Variants in ZNF442 observed in about 807,000 individuals in gnomAD.
The protein encoded by ZNF442 is zinc finger protein 442.
A neutral mutation model predicts 57.0 loss-of-function variants in ZNF442; 45 were observed. That is an observed-to-expected ratio of 0.79 (90% confidence interval 0.62 to 1.01). The LOEUF (loss-of-function observed/expected upper bound fraction) is 1.01. Among genes scored for constraint, ZNF442 ranks in the 50% least tolerant of loss-of-function variants. The pLI is 0.00. For missense variants in ZNF442, 690 were observed against 756.5 expected (o/e 0.91, Z 1.03); for synonymous variants, 213 against 241.8 (o/e 0.88, Z 1.10).
the ZNF442 span, among the ~76,000 whole-genome samples, chr19:12,371,424 C>T: frequency 6.6e-6 from 1 of 152,170 alleles, no homozygotes; most frequent in Non-Finnish European, 1.5e-5. Flanking sequence ...ATATTATATA[C>T]TTACTTTTTC....
chr19:12,357,349 CTTT>C (rs5827145), intron 3 of ZNF442, among the ~76,000 whole-genome samples: 1 of 95,368 alleles, frequency 1.0e-5, no homozygotes, highest in Non-Finnish European at 2.0e-5. Context: ...CTTTTTCTTT[CTTT>C]TTTTTTTTTT....
In ZNF442 at chr19:12,347,468, G is replaced by A. The variant is rs1969147149; in HGVS notation, c.*2233C>T. On this transcript the variant is annotated 3_prime_UTR_variant, in exon 6 of 6. Coordinates refer to ENST00000242804, the MANE Select transcript of ZNF442 (RefSeq NM_030824.3). ...GAATATCTCAAATGCTGCAAGGGAGGTTGGTGGGGAAAACAATCTATGACA... is the reference window on the plus strand; with the variant it reads ...GAATATCTCAAATGCTGCAAGGGAGATTGGTGGGGAAAACAATCTATGACA... 2 of 152,248 alleles carry A rather than the reference G, an allele frequency of 1.3e-5. No individual in the cohort carries two copies. The highest frequency in any genetic ancestry group is 4.1e-4 in the South Asian group (2 of 4,836). The allele number at this position is 152,248 out of a possible 1,614,324, so 9.4% of individuals were successfully genotyped here.
chr19:12,348,767 G>GCATCATCATGATCATGAT lies in ZNF442; in HGVS notation c.*916_*933dup, dbSNP rs1164448155. ...CATATTAGGCACCATACTGTAATCA[G>GCATCATCATGATCATGAT]CATCATCATGATCATGATCATCATC... On this transcript the variant is annotated 3_prime_UTR_variant, in exon 6 of 6. Transcript: ENST00000242804. The GCATCATCATGATCATGAT allele has an allele frequency of 6.6e-6, 1 of 152,030 alleles. No individual in the cohort carries two copies. The highest frequency in any genetic ancestry group is 2.4e-5 in the African/African-American group (1 of 41,382). The allele number at this position is 152,030 out of a possible 1,614,324, so 9.4% of individuals were successfully genotyped here.
upstream of ZNF442, among the ~76,000 whole-genome samples, chr19:12,366,830 T>C (rs909879416): frequency 3.3e-5 from 5 of 152,190 alleles, no homozygotes; most frequent in African/African-American, 4.8e-5. Flanking sequence ...AGACAGGGTT[T>C]CACCATGTTG....
chr19:12,354,020 C>A (rs1969286004), intron 3 of ZNF442, among the ~76,000 whole-genome samples: 1 of 152,174 alleles, frequency 6.6e-6, no homozygotes, highest in Non-Finnish European at 1.5e-5. Flanking sequence ...TCCCAGCCTC[C>A]AGAACCACAA....
Position 12,350,773 on chromosome 19 carries a change from G to C in ZNF442, c.812C>G (p.Ser271Cys), listed in dbSNP as rs775980669. The C allele has an allele frequency of 1.9e-6, 3 of 1,613,286 alleles. No individual in the cohort carries two copies. The East Asian group carries it at 6.7e-5, about 36-fold the overall frequency. ...GGAACTGTAATCAGGGAAGGCTTTG[G>C]AACAGTGCTTGCATTCATATGGTTT... ...GEKPYECKHC[S>C]KAFPDYSSYV... is the part of the protein sequence containing the mutation. The change falls in exon 6 of 6, where the codon TCC (serine) becomes TGC (cysteine). Residue 271 changes from serine to cysteine, a missense_variant. Physicochemically the swap from Ser to Cys is moderately radical, Grantham distance 112. Transcript: ENST00000242804.
At chr19:12,372,367 G>A in the ZNF442 span, among the ~76,000 whole-genome samples, 1 of 152,156 alleles carries the variant, frequency 6.6e-6, no homozygotes, top group Admixed American at 6.6e-5. Flanking sequence ...GCTGAGGCAG[G>A]AGAATCGCTT....
chr19:12,361,530 C>A (rs930425230), intron 3 of ZNF442, among the ~76,000 whole-genome samples: 4 of 152,088 alleles, frequency 2.6e-5, no homozygotes, highest in African/African-American at 9.7e-5. Flanking sequence ...AAAGAAAGTA[C>A]GACCAAACAT....
intron 3 of ZNF442, among the ~76,000 whole-genome samples, chr19:12,355,653 C>G (rs1969316646): frequency 6.6e-6 from 1 of 150,696 alleles, no homozygotes; most frequent in Non-Finnish European, 1.5e-5. Context: ...GCCACCGTGC[C>G]TGGCCGAGGA....
intron 3 of ZNF442, among the ~76,000 whole-genome samples, chr19:12,359,747 A>C (rs1395729037): frequency 1.3e-5 from 2 of 152,142 alleles, no homozygotes; most frequent in Non-Finnish European, 2.9e-5. Flanking sequence ...TGGGAGGCTG[A>C]GGCAGGCAGA....
At chr19:12,372,406 C>G in the ZNF442 span, among the ~76,000 whole-genome samples, 1 of 151,882 alleles carries the variant, frequency 6.6e-6, no homozygotes, top group Non-Finnish European at 1.5e-5. Context: ...TTGCAGTGAG[C>G]CCAGATAGCA....
rs1301390930 is a variant in ZNF442 at position 12,349,860 on chromosome 19, T to G, written c.1725A>C (p.Gln575His). The G allele has an allele frequency of 6.2e-7, 1 of 1,613,788 alleles. No individual in the cohort carries two copies. Among genetic ancestry groups the G allele is most frequent in the Admixed American group, 1.7e-5 (1 of 59,984 alleles). ...AACGAGTGAAGGCTTTACCACATTGTTGACATTCATAAGATTTCTTTCCAG... is the reference window on the plus strand; with the variant it reads ...AACGAGTGAAGGCTTTACCACATTGGTGACATTCATAAGATTTCTTTCCAG... ...IHTGKKSYECQQCGKAFTRSR... is the reference protein window; with the variant it reads ...IHTGKKSYECHQCGKAFTRSR... Residue 575 changes from glutamine to histidine, a missense_variant, in exon 6 of 6, where the codon CAA becomes CAC. Coordinates refer to ENST00000242804, the MANE Select transcript of ZNF442 (RefSeq NM_030824.3).
rs142389003 is a variant in ZNF442 at position 12,354,561 on chromosome 19, A to G, written c.79-1447T>C. Among the ~76,000 whole-genome samples, 15 of 152,316 alleles carry G rather than the reference A, an allele frequency of 9.8e-5. No individual in the cohort carries two copies. In the East Asian group the frequency reaches 2.9e-3, roughly 29 times the overall value. On this transcript the variant is annotated intron_variant, in intron 3 of 5. Transcript: ENST00000242804. ...AAGTTACGGCTTTACAAGAACAGAT[A>G]AAGAATTTTTTTTTTTTTTGGAGGG...
At chr19:12,357,089 T>C (rs570628958) in intron 3 of ZNF442, among the ~76,000 whole-genome samples, 16 of 152,348 alleles carry the variant, frequency 1.1e-4, no homozygotes, top group South Asian at 4.1e-4. Context: ...GTCAAACAGA[T>C]TGAAGCAAAT....
At chr19:12,373,726 G>T in the ZNF442 span, 1 of 242,896 alleles carries the variant, frequency 4.1e-6, no homozygotes, top group South Asian at 5.6e-5. Flanking sequence ...CATTAAGTTG[G>T]ACTAAATGAC....
In ZNF442 at chr19:12,351,030, T is replaced by C. The variant is rs1386654344; in HGVS notation, c.555A>G (p.Glu185=). 6.2e-7 allele frequency: 1 copy of C among 1,614,050 alleles called. No homozygotes were observed. Reference sequence around the variant, plus strand: ...CCGAAGAACTGAAGGTTTTCCCACATTCCTTACAATCATAGCGTTTCTTTC... The same window carrying C: ...CCGAAGAACTGAAGGTTTTCCCACACTCCTTACAATCATAGCGTTTCTTTC... ...HTGKKRYDCK[E]CGKTFSSSGN... is the part of the protein sequence containing the mutation. The change falls in exon 6 of 6, where the codon GAA becomes GAG. Residue 185 remains glutamate (E), a synonymous_variant. Coordinates refer to ENST00000242804, the MANE Select transcript of ZNF442 (RefSeq NM_030824.3).
intron 3 of ZNF442, among the ~76,000 whole-genome samples, chr19:12,354,566 A>ATT (rs960009182): frequency 6.8e-6 from 1 of 146,512 alleles, no homozygotes; most frequent in Admixed American, 6.9e-5. Flanking sequence ...CAGATAAAGA[A>ATT]TTTTTTTTTT....
At chr19:12,356,220 C>CA (rs373126475) in intron 3 of ZNF442, among the ~76,000 whole-genome samples, 13 of 151,180 alleles carry the variant, frequency 8.6e-5, no homozygotes, top group East Asian at 5.8e-4. Flanking sequence ...GATTCTATCT[C>CA]AAAAAAAAGT....
Position 12,350,877 on chromosome 19 carries a change from C to A in ZNF442, c.708G>T (p.Pro236=). The A allele has an allele frequency of 6.2e-7, 1 of 1,610,434 alleles. No homozygotes were observed. Among genetic ancestry groups the A allele is most frequent in the Non-Finnish European group, 8.5e-7 (1 of 1,178,518 alleles). Residue 236 remains proline, a synonymous_variant, in exon 6 of 6, where the codon CCG becomes CCT. Transcript: ENST00000242804. ...MHERTHTGEK[P]YECKQCCKAF... ...CTTTACAACACTGCTTACATTCATA[C>A]GGTTTCTCTCCAGTGTGAGTTCTTT... is the stretch of plus-strand genomic sequence containing the variant.
Sources: gnomAD v4.1 joint callset for allele counts (sites outside exome capture counted in the v4.1 genomes callset) on GRCh38, gnomAD v4.1.1 for gene constraint, MANE v1.5 for transcripts, NCBI Gene and HGNC (gene_info 2026-07-23, HGNC 2026-07-21) for gene names.